PTPRD: variants seen among roughly 807,000 people sequenced by gnomAD.
PTPRD encodes the protein protein tyrosine phosphatase receptor type D, also known as receptor-type tyrosine-protein phosphatase delta.
In PTPRD, 34 loss-of-function variants were observed where a neutral mutation model predicts 214.5. That is an observed-to-expected ratio of 0.16 (90% CI 0.12 to 0.21). The LOEUF is 0.21. PTPRD is among the 10% of genes least tolerant of loss of function. PTPRD has a pLI of 1.00. For missense variants in PTPRD, 2,545 were observed against 2,398.7 expected (o/e 1.06, Z -1.27); for synonymous variants, 1,128 against 845.7 (o/e 1.33, Z -5.79).
rs114671689 is a variant in PTPRD, at chr9:10,608,074, A to G, written c.-600+4324T>C. On this transcript the variant is annotated intron_variant, in intron 2 of 45. Transcript: ENST00000381196. ...TTCCTCTTTAAAATGCAAGGGTTCA[A>G]ATAATTTTTTCTATGGTTCTTTCTA... is the stretch of plus-strand genomic sequence containing the variant. Among the ~76,000 whole-genome samples, 1,327 of 152,116 alleles carry G rather than the reference A, an allele frequency of 8.7e-3. 23 individuals carry two copies. The highest frequency in any genetic ancestry group is 0.03 in the African/African-American group (1,243 of 41,544).
Position 8,517,942 on chromosome 9 carries a change from C to G in PTPRD, c.1449G>C (p.Val483=), listed in dbSNP as rs764069408. ...CTTTGACAGAATATGTTTTCTGGGG[C>G]ACTAAGTTGCCAATAGTAGTGATTT... ...DSQITTIGNL[V]PQKTYSVKVL... Residue 483 remains valine (V), a synonymous_variant, in exon 21 of 46, where the codon GTG becomes GTC. Coordinates refer to ENST00000381196, the MANE Select transcript of PTPRD (RefSeq NM_002839.4). 1.2e-6 allele frequency: 2 copies of G among 1,614,148 alleles called. No individual in the cohort carries two copies. Among genetic ancestry groups the G allele is most frequent in the Admixed American group, 1.7e-5 (1 of 60,022 alleles).
intron 7 of PTPRD, among the ~76,000 whole-genome samples, chr9:9,672,097 A>G (rs1594838477): frequency 6.6e-6 from 1 of 152,192 alleles, no homozygotes; most frequent in Admixed American, 6.5e-5. Context: ...ACTAATCACT[A>G]TAGTAGGGGC....
At chr9:9,809,122 C>G (rs1258366395) in intron 5 of PTPRD, among the ~76,000 whole-genome samples, 4 of 151,956 alleles carry the variant, frequency 2.6e-5, no homozygotes, top group Non-Finnish European at 5.9e-5. Flanking sequence ...TGTGGCCCTT[C>G]TTTTGGGTCT....
chr9:8,798,694 C>T (rs2096499890), intron 11 of PTPRD, among the ~76,000 whole-genome samples: 1 of 152,182 alleles, frequency 6.6e-6, no homozygotes, highest in Non-Finnish European at 1.5e-5. Flanking sequence ...TTCTGCAGTT[C>T]ATACAAGAAA....
chr9:10,396,942 T>C (rs915397184), intron 2 of PTPRD, among the ~76,000 whole-genome samples: 3 of 152,018 alleles, frequency 2.0e-5, no homozygotes, highest in African/African-American at 4.8e-5. Context: ...TCTTAATACA[T>C]ACAGTCAAAC....
At position 9,533,877 on chromosome 9, in the gene PTPRD, A is replaced by T. The variant is rs1301364133; in HGVS notation, c.-237+40855T>A. 2.0e-5 allele frequency among the ~76,000 whole-genome samples: 3 copies of T among 152,192 alleles called. No individual in the cohort carries two copies. The East Asian group carries it at 5.8e-4, about 29-fold the overall frequency. Reference sequence around the variant, plus strand: ...ATTTTTCTTACTGTATGTTGAAAAAATTTAAAATATACTTTTCCATATTTA... The same window carrying T: ...ATTTTTCTTACTGTATGTTGAAAAATTTTAAAATATACTTTTCCATATTTA... On this transcript the variant is annotated intron_variant, in intron 8 of 45. Coordinates refer to ENST00000381196, the MANE Select transcript of PTPRD (RefSeq NM_002839.4).
At chr9:9,077,433 T>C (rs892995144) in intron 10 of PTPRD, among the ~76,000 whole-genome samples, 1 of 152,082 alleles carries the variant, frequency 6.6e-6, no homozygotes, top group African/African-American at 2.4e-5. Flanking sequence ...GTAGTAAGTC[T>C]TTTCCATTGC....
At chr9:9,238,861 A>G (rs909737039) in intron 9 of PTPRD, among the ~76,000 whole-genome samples, 1 of 152,132 alleles carries the variant, frequency 6.6e-6, no homozygotes, top group African/African-American at 2.4e-5. Context: ...TAACTTTCTG[A>G]TATTCAGCCC....
At chr9:8,950,136 G>C (rs921857817) in intron 11 of PTPRD, among the ~76,000 whole-genome samples, 7 of 152,042 alleles carry the variant, frequency 4.6e-5, no homozygotes, top group African/African-American at 1.7e-4. Context: ...AAATACTAAG[G>C]GAATGCAAAT....
chr9:8,424,569 C>G (rs1300442635), intron 35 of PTPRD, among the ~76,000 whole-genome samples: 8 of 152,090 alleles, frequency 5.3e-5, no homozygotes, highest in Admixed American at 4.6e-4. Context: ...AAAGCACTAT[C>G]TAGACTCTGA....
At chr9:8,572,733 G>C (rs1327609511) in intron 14 of PTPRD, among the ~76,000 whole-genome samples, 14 of 151,516 alleles carry the variant, frequency 9.2e-5, no homozygotes, top group Non-Finnish European at 1.6e-4. Context: ...TCCTTAACTT[G>C]AAAAAAATAA....
intron 33 of PTPRD, chr9:8,454,686 G>T: frequency 7.2e-7 from 1 of 1,397,614 alleles, no homozygotes; most frequent in South Asian, 1.2e-5. Context: ...CAAGATTTAA[G>T]AAATAGTGTT....
At chr9:8,695,946 T>C (rs146497144) in intron 12 of PTPRD, among the ~76,000 whole-genome samples, 6 of 152,318 alleles carry the variant, frequency 3.9e-5, no homozygotes, top group African/African-American at 1.4e-4. Context: ...AACCACCTGC[T>C]CCAAACCAAA....
chr9:10,332,611 C>A (rs528763417), intron 3 of PTPRD, among the ~76,000 whole-genome samples: 1 of 151,800 alleles, frequency 6.6e-6, no homozygotes, highest in East Asian at 1.9e-4. Context: ...TACCTACACC[C>A]CATGTTCTAA....
At chr9:10,093,981 G>T (rs772460418) in intron 3 of PTPRD, among the ~76,000 whole-genome samples, 2 of 150,984 alleles carry the variant, frequency 1.3e-5, no homozygotes, top group African/African-American at 2.4e-5. Context: ...ATCCCTATAG[G>T]GTACTATGCT....
At chr9:9,695,370 T>C (rs2097354112) in intron 7 of PTPRD, among the ~76,000 whole-genome samples, 1 of 152,144 alleles carries the variant, frequency 6.6e-6, no homozygotes, top group African/African-American at 2.4e-5. Context: ...AAGGAGAGAA[T>C]CACTCTCATT....
rs1262421454 is a variant in PTPRD at position 10,167,450 on chromosome 9, T to C, written c.-544-133660A>G. 2.6e-5 allele frequency among the ~76,000 whole-genome samples: 4 copies of C among 152,276 alleles called. 1 individual carries two copies. The South Asian group carries it at 6.2e-4, about 24-fold the overall frequency. ...CTTGGATTCAGCATATAAAAACCCA[T>C]ATATGTATTACAAAGTACAGGAGAT... is the stretch of plus-strand genomic sequence containing the variant. On this transcript the variant is annotated intron_variant, in intron 3 of 45. Transcript: ENST00000381196.
At chr9:9,014,199 G>GT (rs1234640194) in intron 11 of PTPRD, among the ~76,000 whole-genome samples, 2,787 of 127,816 alleles carry the variant, frequency 0.022, 78 homozygotes, top group African/African-American at 0.074. Flanking sequence ...TTGTTTGTTT[G>GT]TTTTTTTTTT....
At chr9:8,939,053 T>C (rs1463379838) in intron 11 of PTPRD, among the ~76,000 whole-genome samples, 1 of 152,212 alleles carries the variant, frequency 6.6e-6, no homozygotes, top group Non-Finnish European at 1.5e-5. Flanking sequence ...TTATTTTTTA[T>C]ACTATGTAAT....
Sources: gnomAD v4.1 joint callset for allele counts (sites outside exome capture counted in the v4.1 genomes callset) on GRCh38, gnomAD v4.1.1 for gene constraint, MANE v1.5 for transcripts, NCBI Gene and HGNC (gene_info 2026-07-23, HGNC 2026-07-21) for gene names.